Variants in PPP1CC observed in about 807,000 individuals in gnomAD.
The protein encoded by PPP1CC is protein phosphatase 1 catalytic subunit gamma, also known as serine/threonine-protein phosphatase PP1-gamma catalytic subunit.
PPP1CC carries 16 observed loss-of-function variants against 38.4 expected under a neutral mutation model. The ratio of observed to expected loss-of-function variants is 0.42; its 90% CI spans 0.28 to 0.63. The LOEUF is 0.63. PPP1CC is among the 30% of genes least tolerant of loss of function. The pLI, the probability that PPP1CC is intolerant of heterozygous loss-of-function variation, is 0.25. For synonymous variants in PPP1CC, 158 were observed against 136.0 expected, an observed-to-expected ratio of 1.16 and a Z score of -1.13; for missense variants, 170 against 391.3, an observed-to-expected ratio of 0.43 and a Z score of 4.77.
intron 4 of PPP1CC, among the ~76,000 whole-genome samples, chr12:110,723,777 C>G (rs2069765160): frequency 6.6e-6 from 1 of 152,080 alleles, no homozygotes; most frequent in Non-Finnish European, 1.5e-5. Context: ...CTCCAAAGTG[C>G]TGGAATTACA....
rs1212732502 is a variant in PPP1CC at position 110,730,726 on chromosome 12, C to T, written c.221G>A (p.Arg74Gln). The T allele has an allele frequency of 1.2e-6, 2 of 1,613,678 alleles. No homozygotes were observed. The highest frequency in any genetic ancestry group is 1.1e-5 in the South Asian group (1 of 90,966). Residue 74 changes from arginine (R) to glutamine (Q), a missense_variant, in exon 3 of 7, where the codon CGA (arginine) becomes CAA (glutamine). By Grantham distance (43) the Arg-to-Gln change is conservative (BLOSUM62 1). Around this residue, in one of 3 missense-constraint regions of PPP1CC, gnomAD observed 117 missense variants for 344.4 expected, o/e 0.34. Coordinates refer to ENST00000335007, the MANE Select transcript of PPP1CC (RefSeq NM_002710.4). ...TGGGAAACCACCGTACTCAAAAAGT[C>T]GCAGCAAATCATAGTATTGTCCATG... ...DIHGQYYDLL[R>Q]LFEYGGFPPE...
intron 4 of PPP1CC, among the ~76,000 whole-genome samples, chr12:110,723,610 A>G (rs371306371): frequency 6.6e-6 from 1 of 152,134 alleles, no homozygotes; most frequent in South Asian, 2.1e-4. Flanking sequence ...CCTGGGTTCA[A>G]GCGATCCTCC....
At chr12:110,709,421 A>G in the PPP1CC span, among the ~76,000 whole-genome samples, 1 of 150,584 alleles carries the variant, frequency 6.6e-6, no homozygotes, top group Admixed American at 6.6e-5. Context: ...GTAGAGATGG[A>G]GTTTCACTAT....
chr12:110,738,314 T>C (rs985318080), intron 1 of PPP1CC, among the ~76,000 whole-genome samples: 12 of 152,252 alleles, frequency 7.9e-5, no homozygotes, highest in African/African-American at 2.4e-4. Flanking sequence ...ATAAGCTCCA[T>C]GGAAATGAAA....
chr12:110,726,137 T>C (rs1443688880), intron 3 of PPP1CC: 1 of 152,172 alleles, frequency 6.6e-6, no homozygotes, highest in African/African-American at 2.4e-5. Flanking sequence ...TACAGGGACA[T>C]CTAAAGGTTT....
At chr12:110,715,276 A>G (rs2069679020), downstream of PPP1CC, among the ~76,000 whole-genome samples, 1 of 152,150 alleles carries the variant, frequency 6.6e-6, no homozygotes, top group Admixed American at 6.5e-5. Context: ...AAATATCGCT[A>G]TTAGGAAACT....
Position 110,742,674 on chromosome 12 carries a change from T to C in PPP1CC, c.34A>G (p.Ile12Val), listed in dbSNP as rs1367647176. 6 of 1,470,284 alleles carry C rather than the reference T, an allele frequency of 4.1e-6. No homozygotes were observed. The highest frequency in any genetic ancestry group is 5.4e-6 in the Non-Finnish European group (6 of 1,103,210). The allele number at this position is 1,470,284 out of a possible 1,614,324, so 91.1% of individuals were successfully genotyped here. Residue 12 changes from isoleucine to valine, a missense_variant, in exon 1 of 7, where the codon ATT becomes GTT. Coordinates refer to ENST00000335007, the MANE Select transcript of PPP1CC (RefSeq NM_002710.4). ...ADLDKLNIDS[I>V]IQRLLEVRGS... Reference sequence around the variant, plus strand: ...TTACCTTCCAGCAGCCGTTGGATAATGCTGTCGATGTTGAGTTTATCTAAA... The same window carrying C: ...TTACCTTCCAGCAGCCGTTGGATAACGCTGTCGATGTTGAGTTTATCTAAA...
intron 1 of PPP1CC, among the ~76,000 whole-genome samples, chr12:110,735,917 T>C (rs1414781820): frequency 6.6e-6 from 1 of 151,812 alleles, no homozygotes; most frequent in Non-Finnish European, 1.5e-5. Context: ...ATACAAAAAT[T>C]AGCCAGGCGT....
chr12:110,724,622 G>T (rs1332485635), intron 4 of PPP1CC, 38 bp downstream of exon 4: 3 of 1,219,414 alleles, frequency 2.5e-6, no homozygotes, highest in Non-Finnish European at 3.7e-6. Context: ...CTTTGGAAGG[G>T]ATCAAAACCT....
chr12:110,735,822 T>C (rs529902257), intron 1 of PPP1CC, among the ~76,000 whole-genome samples: 6 of 151,414 alleles, frequency 4.0e-5, no homozygotes, highest in African/African-American at 7.3e-5. Flanking sequence ...CCCAGCACTT[T>C]AGGAGTCCGA....
intron 3 of PPP1CC, among the ~76,000 whole-genome samples, chr12:110,728,397 CAA>C (rs1234259790): frequency 1.1e-4 from 9 of 78,674 alleles, no homozygotes; most frequent in Non-Finnish European, 1.7e-4. Flanking sequence ...GACTCCGTCT[CAA>C]AAAAAAAAAA....
chr12:110,731,141 C>T (rs185743840), intron 2 of PPP1CC, among the ~76,000 whole-genome samples: 12 of 152,196 alleles, frequency 7.9e-5, no homozygotes, highest in African/African-American at 2.9e-4. Flanking sequence ...AGAACTGCTG[C>T]ACTTCTAGTG....
At chr12:110,719,048 A>G (rs1289398663), downstream of PPP1CC, among the ~76,000 whole-genome samples, 1 of 152,176 alleles carries the variant, frequency 6.6e-6, no homozygotes, top group South Asian at 2.1e-4. Context: ...GCCCAATTTT[A>G]CTTTATAGCA....
intron 3 of PPP1CC, chr12:110,726,138 C>T (rs1382939690): frequency 3.9e-5 from 6 of 152,206 alleles, no homozygotes; most frequent in Admixed American, 3.9e-4. Flanking sequence ...ACAGGGACAT[C>T]TAAAGGTTTA....
the PPP1CC span, among the ~76,000 whole-genome samples, chr12:110,710,445 G>A: frequency 6.8e-6 from 1 of 147,496 alleles, no homozygotes; most frequent in Admixed American, 6.7e-5. Context: ...TAGGCTGGGT[G>A]CGGTGGCTCA....
At chr12:110,710,543 C>G in the PPP1CC span, among the ~76,000 whole-genome samples, 1 of 149,740 alleles carries the variant, frequency 6.7e-6, no homozygotes, top group African/African-American at 2.5e-5. Context: ...ATGGTGAAAC[C>G]CCATCTCTAC....
the PPP1CC span, among the ~76,000 whole-genome samples, chr12:110,710,812 A>G: frequency 2.0e-5 from 3 of 151,074 alleles, no homozygotes; most frequent in African/African-American, 7.3e-5. Flanking sequence ...TGGGCGGATC[A>G]CTTGAGCTCA....
rs188651277 is a variant in PPP1CC, at chr12:110,732,179, A to T, written c.56-278T>A. 5.9e-4 allele frequency: 298 copies of T among 506,998 alleles called. 4 individuals carry two copies. In the East Asian group the frequency reaches 8.0e-3, roughly 14 times the overall value. The allele number at this position is 506,998 out of a possible 1,614,324, so 31.4% of individuals were successfully genotyped here. Reference sequence around the variant, plus strand: ...GCTGTTAGAAACAGGACTGCAGGCCAGATGCAATGGCTCACGCTTGTAATC... The same window carrying T: ...GCTGTTAGAAACAGGACTGCAGGCCTGATGCAATGGCTCACGCTTGTAATC... On this transcript the variant is annotated intron_variant, in intron 1 of 6. Transcript: ENST00000335007.
chr12:110,710,281 G>T, the PPP1CC span, among the ~76,000 whole-genome samples: 1 of 152,096 alleles, frequency 6.6e-6, no homozygotes, highest in Non-Finnish European at 1.5e-5. Flanking sequence ...AGTGGCTCAG[G>T]CCTGTAATCC....
Sources: gnomAD v4.1 joint callset for allele counts (sites outside exome capture counted in the v4.1 genomes callset) on GRCh38, gnomAD v4.1.1 for gene constraint, gnomAD v4.1.1 regional missense constraint, MANE v1.5 for transcripts, NCBI Gene and HGNC (gene_info 2026-07-23, HGNC 2026-07-21) for gene names.